Variants in NOVA1 observed in about 807,000 individuals in gnomAD.
The protein encoded by NOVA1 is RNA-binding protein Nova-1.
In NOVA1, 7 loss-of-function variants were observed where a neutral mutation model predicts 38.0. The observed-to-expected ratio is 0.18, with a 90% CI of 0.10 to 0.35. The LOEUF (loss-of-function observed/expected upper bound fraction) is 0.35, where lower values mean the gene tolerates loss of function less well. Among genes scored for constraint, NOVA1 ranks in the 10% least tolerant of loss-of-function variants. NOVA1 has a pLI of 1.00. For synonymous variants in NOVA1, 270 were observed against 232.5 expected, an observed-to-expected ratio of 1.16 and a Z score of -1.47; for missense variants, 460 against 616.0, an observed-to-expected ratio of 0.75 and a Z score of 2.68.
At chr14:26,495,831 AT>A (rs1311624154) in intron 2 of NOVA1, among the ~76,000 whole-genome samples, 1 of 135,364 alleles carries the variant, frequency 7.4e-6, no homozygotes, top group Non-Finnish European at 1.6e-5. Context: ...TGAACTCATC[AT>A]TTTTTATGGC....
chr14:26,480,521 A>G (rs971038154), intron 2 of NOVA1, among the ~76,000 whole-genome samples: 1 of 152,084 alleles, frequency 6.6e-6, no homozygotes, highest in Non-Finnish European at 1.5e-5. Flanking sequence ...CTTCAGGGGG[A>G]AAAAAACCGA....
At chr14:26,537,087 A>G (rs1464645415) in intron 2 of NOVA1, among the ~76,000 whole-genome samples, 1 of 152,140 alleles carries the variant, frequency 6.6e-6, no homozygotes, top group Non-Finnish European at 1.5e-5. Flanking sequence ...AATAACTTAA[A>G]TACAATAATA....
At position 26,448,303 on chromosome 14, in the gene NOVA1, C is replaced by T; in HGVS notation, c.1180G>A (p.Ala394Thr). 6.2e-7 allele frequency: 1 copy of T among 1,614,090 alleles called. No homozygotes were observed. The highest frequency in any genetic ancestry group is 8.5e-7 in the Non-Finnish European group (1 of 1,180,020). Residue 394 changes from alanine (A) to threonine (T), a missense_variant, in exon 5 of 5, where the codon GCA becomes ACA. Ala to Thr is a moderately conservative substitution (Grantham distance 58, BLOSUM62 0). Coordinates refer to ENST00000539517, the MANE Select transcript of NOVA1 (RefSeq NM_002515.3). This position sits in a 1 kb window ranked among gnomAD's most constrained non-coding sequence, Gnocchi z 5.3. Reference sequence around the variant, plus strand: ...GCAGCTCCAAAATATCCATTGGTTGCAGCAGTAGCAGCAGCCAGGCTACCT... The same window carrying T: ...GCAGCTCCAAAATATCCATTGGTTGTAGCAGTAGCAGCAGCCAGGCTACCT... The part of the protein sequence containing the change: ...ALGSLAAATA[A>T]TNGYFGAASP...
chr14:26,462,680 TA>T (rs201267880), intron 4 of NOVA1, among the ~76,000 whole-genome samples: 3,046 of 152,300 alleles, frequency 0.02, 53 homozygotes, highest in Non-Finnish European at 0.031. Flanking sequence ...TGCCAGTCAG[TA>T]AGTGCTTCCT....
At chr14:26,492,961 A>G (rs574364440) in intron 2 of NOVA1, among the ~76,000 whole-genome samples, 30 of 152,130 alleles carry the variant, frequency 2.0e-4, no homozygotes, top group Admixed American at 3.3e-4. Context: ...AAAATTAAAA[A>G]TAAGTAAATA....
chr14:26,504,371 CAATT>C (rs1887469962), intron 2 of NOVA1, among the ~76,000 whole-genome samples: 1 of 152,144 alleles, frequency 6.6e-6, no homozygotes, highest in South Asian at 2.1e-4. Context: ...ATAGAAACCT[CAATT>C]AATCAAATTT....
intron 2 of NOVA1, among the ~76,000 whole-genome samples, chr14:26,526,537 G>T (rs1240464421): frequency 6.6e-6 from 1 of 151,074 alleles, no homozygotes; most frequent in Non-Finnish European, 1.5e-5. Context: ...AAATCTTGGA[G>T]ATTTTTTTAA....
At chr14:26,596,704 C>T (rs1272343348) in intron 1 of NOVA1, 8 of 1,287,256 alleles carry the variant, frequency 6.2e-6, no homozygotes, top group Non-Finnish European at 7.1e-6. Flanking sequence ...TCCAGACACC[C>T]CCACCCTCGT....
chr14:26,492,124 G>A (rs1243416820), intron 2 of NOVA1, among the ~76,000 whole-genome samples: 1 of 152,044 alleles, frequency 6.6e-6, no homozygotes, highest in African/African-American at 2.4e-5. Flanking sequence ...TTATTTGCAG[G>A]CATTTTACTA....
At chr14:26,544,367 T>C (rs1471441000) in intron 2 of NOVA1, among the ~76,000 whole-genome samples, 1 of 151,814 alleles carries the variant, frequency 6.6e-6, no homozygotes, top group Non-Finnish European at 1.5e-5. Flanking sequence ...AAGAATCCAT[T>C]AAGACTTCCA....
intron 2 of NOVA1, among the ~76,000 whole-genome samples, chr14:26,528,777 C>A (rs1889479839): frequency 6.6e-6 from 1 of 152,166 alleles, no homozygotes; most frequent in East Asian, 1.9e-4. Context: ...TTCCCTTTAG[C>A]CGAATCCTAC....
intron 2 of NOVA1, among the ~76,000 whole-genome samples, chr14:26,501,674 C>T (rs539199481): frequency 6.6e-6 from 1 of 151,816 alleles, no homozygotes; most frequent in South Asian, 2.1e-4. Context: ...AAGGTATTGT[C>T]CTTTTTGTTT....
chr14:26,477,272 T>C (rs1245284847), intron 3 of NOVA1, among the ~76,000 whole-genome samples: 2 of 152,174 alleles, frequency 1.3e-5, no homozygotes, highest in Admixed American at 1.3e-4. Flanking sequence ...TAGGGTTAAA[T>C]GAAATATTTT....
At chr14:26,571,435 G>T (rs1892465232) in intron 2 of NOVA1, among the ~76,000 whole-genome samples, 1 of 152,180 alleles carries the variant, frequency 6.6e-6, no homozygotes, top group Non-Finnish European at 1.5e-5. Context: ...GTTCCTAAGT[G>T]GGCAGAAAAA....
At chr14:26,533,172 T>C (rs1889841137) in intron 2 of NOVA1, among the ~76,000 whole-genome samples, 1 of 152,192 alleles carries the variant, frequency 6.6e-6, no homozygotes, top group Admixed American at 6.5e-5. Flanking sequence ...AAGTTAGAAG[T>C]CGTCTTGACT....
At chr14:26,517,066 C>A (rs1054706259) in intron 2 of NOVA1, among the ~76,000 whole-genome samples, 13 of 151,926 alleles carry the variant, frequency 8.6e-5, no homozygotes, top group African/African-American at 2.9e-4. Context: ...CCACCATGCC[C>A]GACTAATTTT....
Position 26,586,880 on chromosome 14 carries a change from G to A in NOVA1, c.280+8530C>T, listed in dbSNP as rs1186749173. The stretch of plus-strand genomic sequence containing the variant: ...ATGAACTAAAATAATAATAATAATG[G>A]CAAAATAACCACTGGGCCATCATCT... On this transcript the variant is annotated intron_variant, in intron 2 of 4. Transcript: ENST00000539517. Among the ~76,000 whole-genome samples, 4 of 148,222 alleles carry A rather than the reference G, an allele frequency of 2.7e-5. No individual in the cohort carries two copies. In the East Asian group the frequency reaches 5.9e-4, roughly 22 times the overall value.
At chr14:26,554,712 T>C (rs1464653718) in intron 2 of NOVA1, among the ~76,000 whole-genome samples, 1 of 152,188 alleles carries the variant, frequency 6.6e-6, no homozygotes, top group Non-Finnish European at 1.5e-5. Flanking sequence ...ATTCATACTG[T>C]ATTATAAAAT....
chr14:26,478,076 A>G (rs1885132396), intron 3 of NOVA1, among the ~76,000 whole-genome samples: 1 of 151,978 alleles, frequency 6.6e-6, no homozygotes, highest in Non-Finnish European at 1.5e-5. Context: ...GCAAATACAC[A>G]AAAGTCAATA....
Sources: gnomAD v4.1 joint callset for allele counts (sites outside exome capture counted in the v4.1 genomes callset) on GRCh38, gnomAD v4.1.1 for gene constraint, Gnocchi (gnomAD v3.1) non-coding constraint, MANE v1.5 for transcripts, NCBI Gene and HGNC (gene_info 2026-07-23, HGNC 2026-07-21) for gene names.